The following TOX2 variants were observed in gnomAD, a reference collection of about 807,000 sequenced individuals.
TOX2 encodes the protein granulosa cell HMG box 1.
A neutral mutation model predicts 47.4 loss-of-function variants in TOX2; 15 were observed. The observed-to-expected ratio is 0.32, with a 90% CI of 0.21 to 0.49. The LOEUF is 0.49. Ranked by LOEUF, TOX2 falls within the 20% of genes least tolerant of loss-of-function variation. The probability of loss-of-function intolerance (pLI) is 0.99; values close to 1 mark genes in which losing one functional copy is unlikely to be tolerated. For synonymous variants in TOX2, 290 were observed against 296.6 expected (o/e 0.98, Z 0.23); for missense variants, 622 against 673.1 (o/e 0.92, Z 0.84).
At chr20:44,018,616 A>G (rs997189974) in intron 3 of TOX2, among the ~76,000 whole-genome samples, 30 of 152,182 alleles carry the variant, frequency 2.0e-4, no homozygotes, top group African/African-American at 7.0e-4. Flanking sequence ...TGCCTGGATA[A>G]TAAAAAGTCA....
intron 1 of TOX2, among the ~76,000 whole-genome samples, chr20:43,947,123 G>T (rs1190348220): frequency 1.3e-5 from 2 of 152,244 alleles, no homozygotes; most frequent in Admixed American, 6.5e-5. Flanking sequence ...TGAGGAGCCA[G>T]CTGGACACAG....
intron 3 of TOX2, among the ~76,000 whole-genome samples, chr20:44,044,432 A>G (rs940974548): frequency 1.3e-5 from 2 of 152,196 alleles, no homozygotes; most frequent in Non-Finnish European, 1.5e-5. Context: ...TAAAAAAAAA[A>G]AAAAGAAATG....
chr20:44,038,832 C>T (rs988005652), intron 3 of TOX2, among the ~76,000 whole-genome samples: 2 of 152,168 alleles, frequency 1.3e-5, no homozygotes, highest in Non-Finnish European at 2.9e-5. Flanking sequence ...GGCTGCTCTC[C>T]ATAGAGACTG....
chr20:43,971,033 G>A (rs1291666737), intron 1 of TOX2, among the ~76,000 whole-genome samples: 1 of 152,170 alleles, frequency 6.6e-6, no homozygotes, highest in Non-Finnish European at 1.5e-5. Context: ...GTCACCAAGG[G>A]ACTCTCCCCG....
intron 1 of TOX2, among the ~76,000 whole-genome samples, chr20:43,929,946 G>T (rs1176108477): frequency 2.0e-5 from 3 of 152,154 alleles, no homozygotes; most frequent in Admixed American, 2.0e-4. Flanking sequence ...CTGACATCAT[G>T]ATCCACCCGC....
At chr20:44,064,302 C>T (rs562228510) in intron 5 of TOX2, among the ~76,000 whole-genome samples, 64 of 152,222 alleles carry the variant, frequency 4.2e-4, no homozygotes, top group Middle Eastern at 3.4e-3. Context: ...CAAGGAGGTG[C>T]GAACAAACTG....
intron 1 of TOX2, among the ~76,000 whole-genome samples, chr20:43,960,367 G>A (rs756760128): frequency 1.3e-5 from 2 of 152,110 alleles, no homozygotes; most frequent in African/African-American, 2.4e-5. Flanking sequence ...CTTGGCCAAG[G>A]TCATCAACAC....
At chr20:43,919,722 G>T (rs750091042) in intron 1 of TOX2, among the ~76,000 whole-genome samples, 2 of 152,240 alleles carry the variant, frequency 1.3e-5, no homozygotes. Flanking sequence ...CCCTCCCTGT[G>T]TCCATGTGTT....
At chr20:43,945,808 G>A (rs188870921) in intron 1 of TOX2, 9 of 1,481,410 alleles carry the variant, frequency 6.1e-6, no homozygotes, top group Admixed American at 1.8e-5. Flanking sequence ...CGAATGGGAT[G>A]GGGGGTGGGG....
At chr20:44,050,226 T>C (rs1364070029) in intron 3 of TOX2, among the ~76,000 whole-genome samples, 1 of 152,038 alleles carries the variant, frequency 6.6e-6, no homozygotes, top group Non-Finnish European at 1.5e-5. Context: ...CAACTCAAAA[T>C]TGAGGGGGAA....
intron 2 of TOX2, among the ~76,000 whole-genome samples, chr20:43,984,908 C>T (rs923025406): frequency 1.2e-4 from 18 of 152,090 alleles, no homozygotes; most frequent in African/African-American, 4.3e-4. Flanking sequence ...TTCCCCCTCC[C>T]AGCCACCTCC....
chr20:44,001,499 T>A (rs933447640), intron 2 of TOX2, among the ~76,000 whole-genome samples: 21 of 152,254 alleles, frequency 1.4e-4, no homozygotes, highest in Admixed American at 3.3e-4. Context: ...TTTTTAAGTG[T>A]GCTAATTGCC....
chr20:43,946,501 C>T (rs936991420), intron 1 of TOX2, among the ~76,000 whole-genome samples: 4 of 152,128 alleles, frequency 2.6e-5, no homozygotes, highest in African/African-American at 7.2e-5. Context: ...CAGCTGAGGA[C>T]GTCACCAGGA....
At chr20:44,030,098 T>C (rs1249077858) in intron 3 of TOX2, among the ~76,000 whole-genome samples, 1 of 152,068 alleles carries the variant, frequency 6.6e-6, no homozygotes, top group African/African-American at 2.4e-5. Flanking sequence ...CACCAGACCA[T>C]GCAATCGGCC....
At chr20:43,959,365 T>A (rs1044614678) in intron 1 of TOX2, among the ~76,000 whole-genome samples, 2 of 152,190 alleles carry the variant, frequency 1.3e-5, no homozygotes, top group Non-Finnish European at 2.9e-5. Flanking sequence ...TAAAAATATA[T>A]CAGCAGTGTT....
At chr20:44,014,541 G>A (rs2070841982) in intron 3 of TOX2, among the ~76,000 whole-genome samples, 1 of 152,130 alleles carries the variant, frequency 6.6e-6, no homozygotes, top group Non-Finnish European at 1.5e-5. Flanking sequence ...GCTGACCTAA[G>A]TTCAAACCCC....
At chr20:44,068,244 C>G (rs2071868654) in intron 8 of TOX2, among the ~76,000 whole-genome samples, 1 of 152,120 alleles carries the variant, frequency 6.6e-6, no homozygotes, top group South Asian at 2.1e-4. Flanking sequence ...GCTTGCCCAT[C>G]ACATCCAGCA....
chr20:43,930,638 C>A (rs1363276963), intron 1 of TOX2, among the ~76,000 whole-genome samples: 1 of 152,138 alleles, frequency 6.6e-6, no homozygotes, highest in Non-Finnish European at 1.5e-5. Context: ...GCACAGTTGG[C>A]CTGGCCTTCG....
intron 1 of TOX2, among the ~76,000 whole-genome samples, chr20:43,943,657 A>T (rs1315237709): frequency 6.6e-6 from 1 of 152,168 alleles, no homozygotes; most frequent in African/African-American, 2.4e-5. Flanking sequence ...ACAAAAAAAA[A>T]GTTTTTTCAG....
Sources: gnomAD v4.1 joint callset for allele counts (sites outside exome capture counted in the v4.1 genomes callset) on GRCh38, gnomAD v4.1.1 for gene constraint, MANE v1.5 for transcripts, NCBI Gene and HGNC (gene_info 2026-07-23, HGNC 2026-07-21) for gene names.